Variants in SDCCAG8 observed in about 807,000 individuals in gnomAD.
The protein encoded by SDCCAG8 is serologically defined colon cancer antigen 8.
A neutral mutation model predicts 101.8 loss-of-function variants in SDCCAG8; 74 were observed. The observed-to-expected ratio is 0.73, with a 90% CI of 0.60 to 0.88. SDCCAG8 has a LOEUF of 0.88. Among genes scored for constraint, SDCCAG8 ranks in the 40% least tolerant of loss-of-function variants. SDCCAG8 has a pLI of 0.00. For missense variants in SDCCAG8, 787 were observed against 822.6 expected (o/e 0.96, Z 0.53); for synonymous variants, 281 against 292.9 (o/e 0.96, Z 0.41).
intron 9 of SDCCAG8, 113 bp downstream of exon 9, chr1:243,317,006 G>C (rs1048775652): frequency 1.8e-6 from 2 of 1,106,444 alleles, no homozygotes; most frequent in Non-Finnish European, 1.3e-6. Flanking sequence ...AACACACAAA[G>C]TGAATTATCA....
intron 16 of SDCCAG8, among the ~76,000 whole-genome samples, chr1:243,466,067 G>A (rs955874300): frequency 1.3e-5 from 2 of 152,168 alleles, no homozygotes; most frequent in African/African-American, 4.8e-5. Context: ...CGTTGAAATA[G>A]CAATGCGCTA....
chr1:243,298,674 T>C (rs2071205465), intron 6 of SDCCAG8, among the ~76,000 whole-genome samples: 1 of 152,162 alleles, frequency 6.6e-6, no homozygotes, highest in Admixed American at 6.5e-5. Context: ...TTTTTGTATA[T>C]GGGGTCATAG....
chr1:243,428,017 A>G (rs550820558), intron 16 of SDCCAG8, among the ~76,000 whole-genome samples: 1 of 152,350 alleles, frequency 6.6e-6, no homozygotes, highest in South Asian at 2.1e-4. Flanking sequence ...CAACAAAATG[A>G]GCCAGAGGAT....
intron 17 of SDCCAG8, among the ~76,000 whole-genome samples, chr1:243,496,662 C>T (rs910832717): frequency 6.6e-6 from 1 of 152,202 alleles, no homozygotes; most frequent in Non-Finnish European, 1.5e-5. Flanking sequence ...GCCACCATCT[C>T]CCCGGGCTGC....
At chr1:243,335,231 G>A (rs2802722) in intron 10 of SDCCAG8, among the ~76,000 whole-genome samples, 75,357 of 151,966 alleles carry the variant, frequency 0.5, 19,703 homozygotes, top group East Asian at 0.74. Context: ...TGGCATTTTC[G>A]TTGAGCTTCC....
At chr1:243,462,762 C>T (rs140798549) in intron 16 of SDCCAG8, among the ~76,000 whole-genome samples, 201 of 152,236 alleles carry the variant, frequency 1.3e-3, no homozygotes, top group African/African-American at 4.3e-3. Context: ...GTTGGGTCCC[C>T]AGCTGCTGCC....
intron 5 of SDCCAG8, among the ~76,000 whole-genome samples, chr1:243,287,653 T>G (rs6682448): frequency 0.29 from 44,713 of 152,018 alleles, 6,802 homozygotes; most frequent in South Asian, 0.52. Flanking sequence ...TCCATCTTAG[T>G]TGCTTATGAT....
At position 243,499,954 on chromosome 1, in the gene SDCCAG8, C is replaced by A; in HGVS notation, c.*169C>A. The stretch of plus-strand genomic sequence containing the variant: ...GGCGCTGTCCCCGCACGCAGTCGGG[C>A]TGGAGCTGGAGTCTGACTCTAGCTG... On this transcript the variant is annotated 3_prime_UTR_variant, in exon 18 of 18. Transcript: ENST00000366541. 1.5e-6 allele frequency: 1 copy of A among 671,566 alleles called. No individual in the cohort carries two copies. Among genetic ancestry groups the A allele is most frequent in the Non-Finnish European group, 2.7e-6 (1 of 370,340 alleles). 41.6% of individuals were successfully genotyped at this position (671,566 alleles called of 1,614,324 possible). A position where few individuals can be genotyped will look rare whatever the true frequency, so the allele number is the denominator to read the frequency against.
At chr1:243,268,999 G>C (rs964254529) in intron 1 of SDCCAG8, 5 of 152,488 alleles carry the variant, frequency 3.3e-5, no homozygotes, top group African/African-American at 1.2e-4. Flanking sequence ...GTGGGGCAGC[G>C]GGGTGCAGTG....
Position 243,360,176 on chromosome 1 carries a change from C to T in SDCCAG8, c.1473+15845C>T, listed in dbSNP as rs1374293460. Among the ~76,000 whole-genome samples, 4 of 135,406 alleles carry T rather than the reference C, an allele frequency of 3.0e-5. No individual in the cohort carries two copies. The East Asian group carries it at 6.7e-4, about 23-fold the overall frequency. 88.8% of individuals were successfully genotyped at this position (135,406 alleles called of 152,430 possible). On this transcript the variant is annotated intron_variant, in intron 12 of 17. Coordinates refer to ENST00000366541, the MANE Select transcript of SDCCAG8 (RefSeq NM_006642.5). The stretch of plus-strand genomic sequence containing the variant: ...TTTTTTTTTTTTTGAGATGGTGTCT[C>T]GCTCTGTCACCTAGGCTGGAGTGCA...
At chr1:243,420,903 T>C (rs1489865570) in intron 15 of SDCCAG8, among the ~76,000 whole-genome samples, 1 of 152,192 alleles carries the variant, frequency 6.6e-6, no homozygotes, top group African/African-American at 2.4e-5. Context: ...TTAAACTGCT[T>C]CTTTTAAAAT....
intron 13 of SDCCAG8, among the ~76,000 whole-genome samples, chr1:243,399,934 C>T (rs902912853): frequency 1.3e-5 from 2 of 152,138 alleles, no homozygotes; most frequent in African/African-American, 2.4e-5. Flanking sequence ...CTGCCATAAG[C>T]CCCATTTTAC....
chr1:243,378,626 AAT>A, intron 12 of SDCCAG8, 93 bp from the exon 13 acceptor site: 1 of 1,370,640 alleles, frequency 7.3e-7, no homozygotes, highest in South Asian at 1.3e-5. Context: ...TTTTTTATCA[AAT>A]TGAAATTCAT....
intron 1 of SDCCAG8, among the ~76,000 whole-genome samples, chr1:243,258,717 A>C (rs193066935): frequency 6.6e-6 from 1 of 152,258 alleles, no homozygotes; most frequent in Non-Finnish European, 1.5e-5. Context: ...AATTCCCTTT[A>C]AAGTAAAGTA....
At chr1:243,426,061 T>G (rs2081317815) in intron 15 of SDCCAG8, among the ~76,000 whole-genome samples, 1 of 152,222 alleles carries the variant, frequency 6.6e-6, no homozygotes, top group African/African-American at 2.4e-5. Context: ...AACTCTGTTA[T>G]AGAAATTAGG....
chr1:243,352,611 G>C (rs943090810), intron 12 of SDCCAG8, among the ~76,000 whole-genome samples: 7 of 152,112 alleles, frequency 4.6e-5, no homozygotes, highest in African/African-American at 1.2e-4. Flanking sequence ...TTTGTTTATA[G>C]TCCAGAAATA....
At chr1:243,446,431 A>G (rs1405441891) in intron 16 of SDCCAG8, among the ~76,000 whole-genome samples, 1 of 151,966 alleles carries the variant, frequency 6.6e-6, no homozygotes, top group Non-Finnish European at 1.5e-5. Flanking sequence ...CATGCCGGCT[A>G]ATTTTTGTAT....
At chr1:243,436,474 C>T (rs2082142885) in intron 16 of SDCCAG8, among the ~76,000 whole-genome samples, 2 of 152,058 alleles carry the variant, frequency 1.3e-5, no homozygotes. Flanking sequence ...GTTGTTTTAG[C>T]ACTATTTGTT....
In SDCCAG8 at chr1:243,474,181, C is replaced by T. The variant is rs1352951226; in HGVS notation, c.1986-14833C>T. On this transcript the variant is annotated intron_variant, in intron 16 of 17. Transcript: ENST00000366541. This position sits in a 1 kb window ranked among gnomAD's most constrained non-coding sequence, Gnocchi z 4.7. ...AAAAGCAAATGCAATCACGCAGCAC[C>T]TTTCCCATCGCGGGGAAATCAACCT... Among the ~76,000 whole-genome samples the T allele has an allele frequency of 6.6e-6, 1 of 152,162 alleles. No individual in the cohort carries two copies. Among genetic ancestry groups the T allele is most frequent in the Non-Finnish European group, 1.5e-5 (1 of 68,036 alleles).
Sources: gnomAD v4.1 joint callset for allele counts (sites outside exome capture counted in the v4.1 genomes callset) on GRCh38, gnomAD v4.1.1 for gene constraint, Gnocchi (gnomAD v3.1) non-coding constraint, MANE v1.5 for transcripts, NCBI Gene and HGNC (gene_info 2026-07-23, HGNC 2026-07-21) for gene names.